The following NBAS variants were observed in gnomAD, a reference collection of about 807,000 sequenced individuals.
NBAS encodes the protein NAG/BC035112 fusion.
Under a neutral mutation model 302.5 loss-of-function variants are expected in NBAS, and 219 were observed. The ratio of observed to expected loss-of-function variants is 0.72; its 90% CI spans 0.65 to 0.81. The LOEUF is 0.81. NBAS is among the 30% of genes least tolerant of loss of function. The pLI, the probability that NBAS is intolerant of heterozygous loss-of-function variation, is 0.00. For missense variants in NBAS, 2,932 were observed against 2,841.6 expected (o/e 1.03, Z -0.72); for synonymous variants, 1,118 against 1,021.6 (o/e 1.09, Z -1.80).
the NBAS span, among the ~76,000 whole-genome samples, chr2:14,891,157 G>A: frequency 6.6e-6 from 1 of 152,134 alleles, no homozygotes; most frequent in South Asian, 2.1e-4. Context: ...GGAAGAAAAA[G>A]CAGAAAAAAC....
the NBAS span, among the ~76,000 whole-genome samples, chr2:14,947,635 C>T: frequency 2.0e-5 from 3 of 151,956 alleles, no homozygotes; most frequent in Admixed American, 2.0e-4. Flanking sequence ...ATTTCTCTTG[C>T]CTAATTGCTC....
At position 15,374,647 on chromosome 2, in the gene NBAS, A is replaced by T. The variant is rs1239931581; in HGVS notation, c.3664T>A (p.Cys1222Ser). 34 of 1,613,880 alleles carry T rather than the reference A, an allele frequency of 2.1e-5. No homozygotes were observed. The highest frequency in any genetic ancestry group is 2.8e-5 in the Non-Finnish European group (33 of 1,179,886). ...EELDLIQAVGCLEEFGVKILP... is the reference protein window; with the variant it reads ...EELDLIQAVGSLEEFGVKILP... The stretch of plus-strand genomic sequence containing the variant: ...ATCTTTACCCCAAATTCTTCAAGAC[A>T]TCCAACGGCTTGGATAAGATCTAGC... The change falls in exon 31 of 52, where the codon TGT (cysteine) becomes AGT (serine). Residue 1222 changes from cysteine to serine, a missense_variant. By Grantham distance (112) the Cys-to-Ser change is moderately radical. Transcript: ENST00000281513.
the NBAS span, among the ~76,000 whole-genome samples, chr2:14,820,469 A>G: frequency 6.6e-6 from 1 of 152,282 alleles, no homozygotes; most frequent in East Asian, 1.9e-4. Context: ...AATTAAAACA[A>G]TTGAACTCAT....
intron 21 of NBAS, among the ~76,000 whole-genome samples, chr2:15,443,388 C>T (rs1465285746): frequency 6.6e-6 from 1 of 151,852 alleles, no homozygotes; most frequent in Admixed American, 6.6e-5. Context: ...ATAAACAGAA[C>T]CAAAGACAAA....
intron 21 of NBAS, among the ~76,000 whole-genome samples, chr2:15,441,318 C>T (rs1177766339): frequency 6.6e-6 from 1 of 152,192 alleles, no homozygotes; most frequent in African/African-American, 2.4e-5. Context: ...TCGGCAGAAA[C>T]TCTACAAACC....
At chr2:14,946,462 TA>T in the NBAS span, among the ~76,000 whole-genome samples, 1 of 152,052 alleles carries the variant, frequency 6.6e-6, no homozygotes, top group Non-Finnish European at 1.5e-5. Flanking sequence ...TATATAATGA[TA>T]AAAGGGTCAA....
intron 25 of NBAS, among the ~76,000 whole-genome samples, chr2:15,405,856 A>C (rs1378083958): frequency 3.3e-5 from 5 of 152,102 alleles, no homozygotes; most frequent in East Asian, 1.9e-4. Flanking sequence ...TAAATTTAAC[A>C]AAAAATGTGC....
chr2:14,970,902 C>T, the NBAS span, among the ~76,000 whole-genome samples: 6 of 152,296 alleles, frequency 3.9e-5, no homozygotes, highest in Non-Finnish European at 8.8e-5. Context: ...TGCTTGGTAT[C>T]ATCACATAAG....
chr2:14,996,978 A>G, the NBAS span, among the ~76,000 whole-genome samples: 1 of 152,214 alleles, frequency 6.6e-6, no homozygotes, highest in Non-Finnish European at 1.5e-5. Flanking sequence ...CAAACAAAGA[A>G]AACAAGACTG....
At chr2:15,427,922 G>A in intron 21 of NBAS, 128 bp from the exon 22 acceptor site, 1 of 738,364 alleles carries the variant, frequency 1.4e-6, no homozygotes, top group Non-Finnish European at 2.3e-6. Context: ...AGTATTTTAA[G>A]TGGTACAGGA....
rs1372805288 is a variant in NBAS, at chr2:15,277,056, G to C, written c.5184C>G (p.Leu1728=). Residue 1728 remains leucine (L), a synonymous_variant, in exon 43 of 52, where the codon CTC becomes CTG. Transcript: ENST00000281513. The stretch of plus-strand genomic sequence containing the variant: ...CTGGATCAGTCTTCAAAGTCTCAAA[G>C]AGATGAAGGTCTTGGGCTCTATTTT... The part of the protein sequence containing the change: ...EIENRAQDLH[L]FETLKTDPEA... 6 of 1,613,712 alleles carry C rather than the reference G, an allele frequency of 3.7e-6. No individual in the cohort carries two copies. In the African/African-American group the frequency reaches 8.0e-5, roughly 22 times the overall value.
intron 11 of NBAS, among the ~76,000 whole-genome samples, chr2:15,491,447 C>G (rs1258682208): frequency 2.6e-5 from 4 of 152,118 alleles, no homozygotes; most frequent in Non-Finnish European, 5.9e-5. Context: ...ATTAAAAATA[C>G]ACAGGTTGGC....
intron 49 of NBAS, among the ~76,000 whole-genome samples, chr2:15,188,900 G>C (rs980449078): frequency 3.9e-5 from 6 of 152,290 alleles, no homozygotes; most frequent in African/African-American, 1.2e-4. Flanking sequence ...CCTTACAAAA[G>C]TATGGCATTA....
the NBAS span, among the ~76,000 whole-genome samples, chr2:14,936,240 C>T: frequency 1.4e-3 from 208 of 152,268 alleles, 2 homozygotes; most frequent in Non-Finnish European, 1.7e-3. Flanking sequence ...GCAAACCATC[C>T]GTACTTTCCC....
chr2:15,355,159 G>A (rs1017422372), intron 33 of NBAS, among the ~76,000 whole-genome samples: 2 of 152,144 alleles, frequency 1.3e-5, no homozygotes, highest in African/African-American at 4.8e-5. Flanking sequence ...TTAGTGCAGA[G>A]CTCCATGAGT....
At chr2:15,340,340 G>A (rs1672787652) in intron 35 of NBAS, among the ~76,000 whole-genome samples, 1 of 152,116 alleles carries the variant, frequency 6.6e-6, no homozygotes, top group Non-Finnish European at 1.5e-5. Flanking sequence ...AGGAGGAGAA[G>A]AATCAAGGAT....
intron 21 of NBAS, among the ~76,000 whole-genome samples, chr2:15,448,408 A>T (rs1376249412): frequency 6.6e-6 from 1 of 152,202 alleles, no homozygotes; most frequent in African/African-American, 2.4e-5. Context: ...ACTTAATCAT[A>T]AGTACCTCTA....
chr2:15,205,411 T>G (rs145337617), intron 48 of NBAS, among the ~76,000 whole-genome samples: 6 of 151,890 alleles, frequency 4.0e-5, no homozygotes, highest in Admixed American at 6.6e-5. Context: ...TCCTTACTTA[T>G]CAATAATAAC....
At chr2:15,470,758 C>T (rs4668912) in intron 16 of NBAS, among the ~76,000 whole-genome samples, 92,206 of 151,824 alleles carry the variant, frequency 0.61, 28,945 homozygotes, top group Non-Finnish European at 0.68. Flanking sequence ...TCTACTTATA[C>T]GGCCAGTTAT....
Sources: gnomAD v4.1 joint callset for allele counts (sites outside exome capture counted in the v4.1 genomes callset) on GRCh38, gnomAD v4.1.1 for gene constraint, MANE v1.5 for transcripts, NCBI Gene and HGNC (gene_info 2026-07-23, HGNC 2026-07-21) for gene names.